The following PPEF1 variants were observed in gnomAD, a reference collection of about 807,000 sequenced individuals.
PPEF1 encodes serine/threonine-protein phosphatase with EF-hands 1.
In PPEF1, 12 loss-of-function variants were observed where a neutral mutation model predicts 53.3. The observed-to-expected ratio is 0.23, with a 90% confidence interval of 0.14 to 0.36. The LOEUF is 0.36. PPEF1 is among the 10% of genes least tolerant of loss of function. The pLI, the probability that PPEF1 is intolerant of heterozygous loss-of-function variation, is 1.00. For synonymous variants in PPEF1, 165 were observed against 176.7 expected, an observed-to-expected ratio of 0.93 and a Z score of 0.52; for missense variants, 334 against 490.4, an observed-to-expected ratio of 0.68 and a Z score of 3.01.
intron 3 of PPEF1, among the ~76,000 whole-genome samples, chrX:18,740,444 C>CA (rs1416080033): frequency 9.5e-6 from 1 of 105,416 alleles, no homozygotes; most frequent in Admixed American, 1.0e-4. Flanking sequence ...GAGTCTCGCT[C>CA]TGTTTCCCAG....
At chrX:18,762,258 G>A (rs1230427248) in intron 6 of PPEF1, among the ~76,000 whole-genome samples, 2 of 111,617 alleles carry the variant, frequency 1.8e-5, no homozygotes, top group Admixed American at 1.9e-4. Context: ...TGAGATCCCT[G>A]CCTTCACAGC....
chrX:18,733,859 C>T, intron 3 of PPEF1, 51 bp downstream of exon 3: 1 of 994,972 alleles, frequency 1.0e-6, no homozygotes, highest in Non-Finnish European at 1.4e-6. Context: ...ATTGAATTGT[C>T]TTCATCAAGA....
chrX:18,706,217 G>GA (rs761694284), upstream of PPEF1, among the ~76,000 whole-genome samples: 95 of 54,279 alleles, frequency 1.8e-3, 1 homozygote, highest in East Asian at 9.8e-3. Flanking sequence ...GACCCTGTCT[G>GA]AAAAAAAAAA....
At chrX:18,713,939 T>G (rs1366091662) in intron 1 of PPEF1, among the ~76,000 whole-genome samples, 1 of 112,047 alleles carries the variant, frequency 8.9e-6, no homozygotes, top group Non-Finnish European at 1.9e-5. Context: ...TGCTTAATTA[T>G]TCTTCAAATA....
In PPEF1 at chrX:18,752,774, C is replaced by A. The variant is rs151270440; in HGVS notation, c.396+2822C>A. On this transcript the variant is annotated intron_variant, in intron 4 of 15. Coordinates refer to ENST00000470157, the MANE Select transcript of PPEF1 (RefSeq NM_001377996.1). ...TTGAGATGATTGTGCGTTTTTTACC[C>A]TTCGTTCTATTAATGTGGTGTGATA... Among the ~76,000 whole-genome samples the A allele has an allele frequency of 2.7e-3, 293 of 106,784 alleles. 1 individual carries two copies. The highest frequency in any genetic ancestry group is 2.9e-3 in the Non-Finnish European group (149 of 51,727). 92.7% of individuals were successfully genotyped at this position (106,784 alleles called of 115,157 possible).
chrX:18,782,791 C>T (rs947721660), intron 8 of PPEF1, among the ~76,000 whole-genome samples: 4 of 110,541 alleles, frequency 3.6e-5, no homozygotes, highest in Non-Finnish European at 5.7e-5. Context: ...TCTGGGAGAC[C>T]GCGTGGGGAA....
intron 14 of PPEF1, among the ~76,000 whole-genome samples, chrX:18,824,322 C>G (rs1315423181): frequency 9.0e-6 from 1 of 110,905 alleles, no homozygotes; most frequent in African/African-American, 3.3e-5. Context: ...CACCTGTAAT[C>G]CCAGCTACTC....
At chrX:18,717,851 G>T (rs774065181) in intron 1 of PPEF1, among the ~76,000 whole-genome samples, 1 of 111,728 alleles carries the variant, frequency 9.0e-6, no homozygotes, top group Admixed American at 9.5e-5. Context: ...TCTAGTCCAT[G>T]GCTTTGACAT....
At chrX:18,766,166 TG>T (rs1183461646) in intron 6 of PPEF1, among the ~76,000 whole-genome samples, 2 of 109,747 alleles carry the variant, frequency 1.8e-5, no homozygotes, top group Non-Finnish European at 3.8e-5. Flanking sequence ...ACGTAGAGCT[TG>T]GGGGTGATGG....
chrX:18,764,984 T>C (rs767062895), intron 6 of PPEF1, among the ~76,000 whole-genome samples: 20 of 111,619 alleles, frequency 1.8e-4, no homozygotes, highest in East Asian at 5.6e-4. Context: ...AATGTAAAGA[T>C]TGAACAGGAG....
upstream of PPEF1, among the ~76,000 whole-genome samples, chrX:18,679,219 G>A (rs1450143068): frequency 1.8e-5 from 2 of 111,744 alleles, no homozygotes; most frequent in Admixed American, 9.5e-5. Flanking sequence ...GATCACAGGC[G>A]TGCGCCACCA....
chrX:18,678,149 A>AT (rs1311787140), upstream of PPEF1, among the ~76,000 whole-genome samples: 1 of 94,752 alleles, frequency 1.1e-5, no homozygotes, highest in African/African-American at 3.9e-5. Context: ...AAAAAAAAAA[A>AT]GCCGGGTGCG....
At chrX:18,687,799 G>A (rs775674370) in intron 3 of PPEF1, among the ~76,000 whole-genome samples, 15 of 104,955 alleles carry the variant, frequency 1.4e-4, no homozygotes, top group Non-Finnish European at 2.1e-4. Context: ...AGTGATTCTC[G>A]TGCCTCAGCC....
intron 7 of PPEF1, among the ~76,000 whole-genome samples, chrX:18,781,079 G>T (rs1339449962): frequency 1.1e-5 from 1 of 88,519 alleles, no homozygotes; most frequent in Non-Finnish European, 2.2e-5. Context: ...AAGGGTGGGG[G>T]GAGGGAATCA....
chrX:18,730,247 A>G lies in PPEF1; in HGVS notation c.113A>G (p.Gln38Arg). The part of the protein sequence containing the change: ...RGYKARLKAR[Q>R]HYALTIFQSI... ...TACAAAGCTCGACTGAAGGCCAGAC[A>G]ACACTATGCCCTCACCATCTTCCAG... Residue 38 changes from glutamine to arginine, a missense_variant, in exon 2 of 16, where the codon CAA (glutamine) becomes CGA (arginine). Gln to Arg is a conservative substitution (Grantham distance 43). Transcript: ENST00000470157. 4 of 1,210,051 alleles carry G rather than the reference A, an allele frequency of 3.3e-6. No homozygotes were observed. Among genetic ancestry groups the G allele is most frequent in the Non-Finnish European group, 4.5e-6 (4 of 893,834 alleles).
chrX:18,808,840 G>A (rs1336919639), intron 12 of PPEF1, among the ~76,000 whole-genome samples: 1 of 110,927 alleles, frequency 9.0e-6, no homozygotes, highest in Non-Finnish European at 1.9e-5. Context: ...TATAGAAAAC[G>A]GTATAGAAGT....
intron 10 of PPEF1, among the ~76,000 whole-genome samples, chrX:18,802,690 C>T (rs2046571861): frequency 8.9e-6 from 1 of 111,929 alleles, no homozygotes; most frequent in African/African-American, 3.2e-5. Context: ...AGCAGGAGAC[C>T]TACTTTATGT....
Position 18,806,397 on chromosome X carries a change from A to T in PPEF1, c.1252-6A>T. On this transcript the variant is annotated splice_region_variant and splice_polypyrimidine_tract_variant and intron_variant, in intron 11 of 15. Coordinates refer to ENST00000470157, the MANE Select transcript of PPEF1 (RefSeq NM_001377996.1). ...CGTGAACCTGACCCTCTTTTTCTTTAACCAGGTGGTGACTATATTTTCTGC... is the reference window on the plus strand; with the variant it reads ...CGTGAACCTGACCCTCTTTTTCTTTTACCAGGTGGTGACTATATTTTCTGC... 1 of 1,197,523 alleles carries T rather than the reference A, an allele frequency of 8.4e-7. No individual in the cohort carries two copies. Among genetic ancestry groups the T allele is most frequent in the African/African-American group, 1.7e-5 (1 of 57,406 alleles).
At chrX:18,677,360 G>T (rs1199074704) in intron 1 of PPEF1, among the ~76,000 whole-genome samples, 1 of 112,029 alleles carries the variant, frequency 8.9e-6, no homozygotes, top group Non-Finnish European at 1.9e-5. Context: ...AAATTCTGTG[G>T]TCATTTTTAT....
Sources: gnomAD v4.1 joint callset for allele counts (sites outside exome capture counted in the v4.1 genomes callset) on GRCh38, gnomAD v4.1.1 for gene constraint, MANE v1.5 for transcripts, NCBI Gene and HGNC (gene_info 2026-07-23, HGNC 2026-07-21) for gene names.